LYRM7: variants seen among roughly 807,000 people sequenced by gnomAD.
The protein encoded by LYRM7 is LYR motif containing 7, also known as complex III assembly factor LYRM7.
LYRM7 carries 9 observed loss-of-function variants against 15.8 expected under a neutral mutation model. That is an observed-to-expected ratio of 0.57 (90% CI 0.34 to 0.99). The LOEUF (loss-of-function observed/expected upper bound fraction) is 0.99. Ranked by LOEUF, LYRM7 falls within the 50% of genes least tolerant of loss-of-function variation. LYRM7 has a pLI of 0.02. For synonymous variants in LYRM7, 39 were observed against 39.4 expected (o/e 0.99, Z 0.04); for missense variants, 115 against 119.1 (o/e 0.97, Z 0.16).
rs901962013 is a variant in LYRM7 at position 131,198,602 on chromosome 5, C to G, written c.245-929C>G. Among the ~76,000 whole-genome samples, 10 of 152,014 alleles carry G rather than the reference C, an allele frequency of 6.6e-5. No individual in the cohort carries two copies. The East Asian group carries it at 1.7e-3, about 26-fold the overall frequency. On this transcript the variant is annotated intron_variant, in intron 4 of 4. Coordinates refer to ENST00000379380, the MANE Select transcript of LYRM7 (RefSeq NM_181705.4). ...TTTTGAGGTGGACTGCCACTGTGTC[C>G]CCCAGGCTGGAGTGCAGTGGCACCA...
At chr5:131,193,668 A>G (rs1245927479) in intron 4 of LYRM7, among the ~76,000 whole-genome samples, 1 of 152,204 alleles carries the variant, frequency 6.6e-6, no homozygotes, top group Non-Finnish European at 1.5e-5. Context: ...ATCTTTACCT[A>G]AATTTGTACT....
chr5:131,185,211 A>G (rs1215581877), intron 3 of LYRM7, among the ~76,000 whole-genome samples: 1 of 152,104 alleles, frequency 6.6e-6, no homozygotes, highest in Non-Finnish European at 1.5e-5. Flanking sequence ...TCACAACCCC[A>G]TGACTCTTCA....
chr5:131,195,855 A>G (rs1195256555), intron 4 of LYRM7, among the ~76,000 whole-genome samples: 1 of 152,166 alleles, frequency 6.6e-6, no homozygotes, highest in Non-Finnish European at 1.5e-5. Flanking sequence ...GAAGTAGACT[A>G]TGAAAGCTTT....
intron 2 of LYRM7, among the ~76,000 whole-genome samples, chr5:131,180,645 T>C (rs1255096172): frequency 6.6e-6 from 1 of 152,216 alleles, no homozygotes; most frequent in African/African-American, 2.4e-5. Context: ...TTCTGTGTTA[T>C]TCATGTTCAG....
intron 1 of LYRM7, 33 bp downstream of exon 1, chr5:131,171,071 C>A: frequency 6.6e-7 from 1 of 1,510,248 alleles, no homozygotes; most frequent in Non-Finnish European, 8.8e-7. Context: ...GGGTACGATG[C>A]CGTCGGGGAG....
chr5:131,196,099 G>A (rs940215494), intron 4 of LYRM7, among the ~76,000 whole-genome samples: 14 of 145,314 alleles, frequency 9.6e-5, no homozygotes, highest in Admixed American at 1.4e-4. Context: ...CTATTCTCCT[G>A]TTCTTTTTTT....
chr5:131,175,824 T>C (rs1755594221), intron 1 of LYRM7, among the ~76,000 whole-genome samples: 1 of 152,140 alleles, frequency 6.6e-6, no homozygotes, highest in African/African-American at 2.4e-5. Context: ...AGTGGCACCA[T>C]CTCGGCTCAC....
At chr5:131,178,961 CA>C (rs58612746) in intron 1 of LYRM7, among the ~76,000 whole-genome samples, 8,067 of 62,990 alleles carry the variant, frequency 0.13, 74 homozygotes, top group Non-Finnish European at 0.14. Context: ...GACTCCGTCT[CA>C]AAAAAAAAAA....
chr5:131,181,640 A>T (rs930066794), intron 2 of LYRM7, among the ~76,000 whole-genome samples: 1 of 151,538 alleles, frequency 6.6e-6, no homozygotes, highest in Non-Finnish European at 1.5e-5. Flanking sequence ...GGATTGTTCC[A>T]TTAAACGCTC....
At chr5:131,192,081 A>AC (rs1561547876) in intron 4 of LYRM7, among the ~76,000 whole-genome samples, 14 of 144,964 alleles carry the variant, frequency 9.7e-5, no homozygotes, top group Non-Finnish European at 2.0e-4. Context: ...ACACACACAC[A>AC]ATGCAATATT....
chr5:131,181,492 A>G (rs1056132866), intron 2 of LYRM7, among the ~76,000 whole-genome samples: 4 of 138,628 alleles, frequency 2.9e-5, no homozygotes, highest in Non-Finnish European at 6.0e-5. Context: ...ATATATGTAT[A>G]TATACACACA....
At chr5:131,186,863 T>A (rs1236014101) in intron 3 of LYRM7, among the ~76,000 whole-genome samples, 165 bp from the exon 4 acceptor site, 1 of 152,242 alleles carries the variant, frequency 6.6e-6, no homozygotes, top group Non-Finnish European at 1.5e-5. Context: ...ATTTTCTATT[T>A]AATATTTTCA....
At chr5:131,184,646 G>GGGA (rs1755766839) in intron 3 of LYRM7, among the ~76,000 whole-genome samples, 1 of 144,412 alleles carries the variant, frequency 6.9e-6, no homozygotes, top group South Asian at 2.1e-4. Flanking sequence ...TTGGCGGGGG[G>GGGA]GGGGTTCCAG....
intron 4 of LYRM7, among the ~76,000 whole-genome samples, chr5:131,194,816 A>G (rs1174113533): frequency 1.3e-5 from 2 of 152,066 alleles, no homozygotes; most frequent in African/African-American, 4.8e-5. Flanking sequence ...TGTTTCTGGA[A>G]GCTTAGTCTC....
intron 2 of LYRM7, 45 bp from the exon 3 acceptor site, chr5:131,182,184 A>G: frequency 7.5e-7 from 1 of 1,337,544 alleles, no homozygotes; most frequent in South Asian, 1.4e-5. Context: ...GATAGGAATT[A>G]TAGATTACAA....
chr5:131,181,447 TATATAAAAC>T (rs1755709566), intron 2 of LYRM7, among the ~76,000 whole-genome samples: 3 of 127,956 alleles, frequency 2.3e-5, no homozygotes, highest in African/African-American at 9.7e-5. Context: ...TATGTATATA[TATATAAAAC>T]ATATATATGT....
At chr5:131,191,668 A>C (rs2149664617) in intron 4 of LYRM7, among the ~76,000 whole-genome samples, 1 of 152,302 alleles carries the variant, frequency 6.6e-6, no homozygotes, top group South Asian at 2.1e-4. Context: ...CTTATCAGGG[A>C]AATGAAAATT....
Position 131,184,644 on chromosome 5 carries a change from G to C in LYRM7, c.162+2345G>C, listed in dbSNP as rs558168824. ...GACAAATGGAATTTTTTTTGGCGGG[G>C]GGGGGGTTCCAGGATTCATGCAGAC... On this transcript the variant is annotated intron_variant, in intron 3 of 4. Coordinates refer to ENST00000379380, the MANE Select transcript of LYRM7 (RefSeq NM_181705.4). 1.4e-4 allele frequency among the ~76,000 whole-genome samples: 21 copies of C among 145,004 alleles called. 1 individual carries two copies. In the East Asian group the frequency reaches 1.5e-3, roughly 11 times the overall value.
intron 2 of LYRM7, among the ~76,000 whole-genome samples, chr5:131,181,373 G>GTA (rs71000975): frequency 0.58 from 45,617 of 79,078 alleles, 13,481 homozygotes; most frequent in Admixed American, 0.71. Flanking sequence ...ACATATATAT[G>GTA]TATATATAAT....
Sources: gnomAD v4.1 joint callset for allele counts (sites outside exome capture counted in the v4.1 genomes callset) on GRCh38, gnomAD v4.1.1 for gene constraint, MANE v1.5 for transcripts, NCBI Gene and HGNC (gene_info 2026-07-23, HGNC 2026-07-21) for gene names.